Variants in EDARADD observed in about 807,000 individuals in gnomAD.
The protein encoded by EDARADD is EDAR associated via death domain, also known as ectodysplasin-A receptor-associated adapter protein.
In EDARADD, 20 loss-of-function variants were observed where a neutral mutation model predicts 25.6. That is an observed-to-expected ratio of 0.78 (90% confidence interval 0.55 to 1.14). The LOEUF is 1.14. Ranked by LOEUF, EDARADD falls within the 50% of genes most tolerant of loss-of-function variation. The probability of loss-of-function intolerance (pLI) is 0.00; values close to 1 mark genes in which losing one functional copy is unlikely to be tolerated. For missense variants in EDARADD, 225 were observed against 270.1 expected (o/e 0.83, Z 1.17); for synonymous variants, 86 against 94.4 (o/e 0.91, Z 0.52).
intron 1 of EDARADD, among the ~76,000 whole-genome samples, chr1:236,401,492 C>T (rs577578108): frequency 5.4e-4 from 82 of 152,300 alleles, no homozygotes; most frequent in African/African-American, 1.8e-3. Flanking sequence ...GTGTCTGTTT[C>T]GGGTTATGTG....
At chr1:236,480,096 C>CATGTATATATATAT (rs1553271637) in intron 5 of EDARADD, among the ~76,000 whole-genome samples, 1 of 77,834 alleles carries the variant, frequency 1.3e-5, no homozygotes, top group Non-Finnish European at 2.3e-5. Context: ...TTAAGTATGC[C>CATGTATATATATAT]ATATATATAT....
Position 236,363,006 on chromosome 1 carries a change from AAT to A in EDARADD, c.-6+12193_-6+12194del, listed in dbSNP as rs1184705463. The stretch of plus-strand genomic sequence containing the variant: ...TTTTAAGAAAAAAAAAAAAAAAAAA[AAT>A]ATATATATATATATATATATATATA... On this transcript the variant is annotated intron_variant, in intron 3 of 7. Coordinates refer to the EDARADD transcript ENST00000439430. Among the ~76,000 whole-genome samples the A allele has an allele frequency of 6.0e-3, 257 of 42,948 alleles. 9 individuals carry two copies. Among genetic ancestry groups the A allele is most frequent in the African/African-American group, 0.019 (171 of 9,036 alleles). 28.2% of individuals were successfully genotyped at this position (42,948 alleles called of 152,430 possible).
intron 3 of EDARADD, among the ~76,000 whole-genome samples, chr1:236,363,000 A>ATAT (rs1158321993): frequency 1.7e-5 from 1 of 57,294 alleles, no homozygotes; most frequent in Non-Finnish European, 3.2e-5. Flanking sequence ...AAAAAAAAAA[A>ATAT]AAAAAAATAT....
intron 4 of EDARADD, among the ~76,000 whole-genome samples, chr1:236,467,424 GCGCACACACACACACA>G (rs1488735447): frequency 8.3e-6 from 1 of 120,800 alleles, no homozygotes; most frequent in Non-Finnish European, 1.7e-5. Flanking sequence ...GCACACACAC[GCGCACACACACACACA>G]CACACACACA....
chr1:236,397,475 C>T (rs564581087), intron 1 of EDARADD, among the ~76,000 whole-genome samples: 1 of 152,184 alleles, frequency 6.6e-6, no homozygotes, highest in Admixed American at 6.5e-5. Flanking sequence ...CTGCCCAGCC[C>T]AGCCAAAATG....
Position 236,484,574 on chromosome 1 carries a change from C to T in EDARADD, c.*1925C>T. 1.2e-6 allele frequency: 1 copy of T among 864,138 alleles called. No homozygotes were observed. The highest frequency in any genetic ancestry group is 2.1e-5 in the Admixed American group (1 of 47,652). The allele number at this position is 864,138 out of a possible 1,614,324, so 53.5% of individuals were successfully genotyped here. A position where few individuals can be genotyped will look rare whatever the true frequency, so the allele number is the denominator to read the frequency against. ...CCCCGAGCAACATTTGTAGGGGCCG[C>T]TGCTAGTTAGCTACCCTTGCCCACC... On this transcript the variant is annotated 3_prime_UTR_variant, in exon 6 of 6. Coordinates refer to ENST00000334232, the MANE Select transcript of EDARADD (RefSeq NM_145861.4). The surrounding 1 kb of genome is among the most constrained non-coding windows in gnomAD (Gnocchi z 4.1).
chr1:236,390,996 G>T (rs1453002222), upstream of EDARADD, among the ~76,000 whole-genome samples: 1 of 150,502 alleles, frequency 6.6e-6, no homozygotes, highest in Non-Finnish European at 1.5e-5. Flanking sequence ...CGCCAGGCTG[G>T]AGTACAATGG....
intron 3 of EDARADD, among the ~76,000 whole-genome samples, chr1:236,387,375 G>A (rs1435506772): frequency 2.6e-5 from 1 of 38,088 alleles, no homozygotes; most frequent in South Asian, 1.8e-3. Context: ...AGGGAGGTGG[G>A]GGGGGTCAGC....
At chr1:236,409,996 C>G (rs982005098) in intron 2 of EDARADD, among the ~76,000 whole-genome samples, 4 of 152,278 alleles carry the variant, frequency 2.6e-5, no homozygotes, top group African/African-American at 4.8e-5. Flanking sequence ...ATCCTCTCCC[C>G]ACCCTCCCGT....
intron 3 of EDARADD, among the ~76,000 whole-genome samples, chr1:236,379,159 C>A (rs768177874): frequency 7.9e-5 from 12 of 152,112 alleles, no homozygotes; most frequent in Non-Finnish European, 1.3e-4. Context: ...CACCTGAGGT[C>A]AGGAGTTCGA....
At chr1:236,452,908 G>A (rs992247644) in intron 4 of EDARADD, among the ~76,000 whole-genome samples, 1 of 152,066 alleles carries the variant, frequency 6.6e-6, no homozygotes, top group Admixed American at 6.6e-5. Flanking sequence ...GCTACGTAAG[G>A]GTTTCTTTAT....
intron 1 of EDARADD, among the ~76,000 whole-genome samples, chr1:236,402,290 G>A (rs1667627114): frequency 1.3e-5 from 2 of 152,252 alleles, no homozygotes; most frequent in South Asian, 4.1e-4. Context: ...TATTTTATTG[G>A]CCAGGCGTGG....
At chr1:236,348,615 T>C (rs1301391796) in intron 1 of EDARADD, 1 of 152,264 alleles carries the variant, frequency 6.6e-6, no homozygotes, top group Non-Finnish European at 1.5e-5. Flanking sequence ...CATGAGTCTT[T>C]CTGTAGCCTC....
chr1:236,411,587 G>T lies in EDARADD; in HGVS notation c.120+2313G>T, dbSNP rs185743306. Among the ~76,000 whole-genome samples the T allele has an allele frequency of 3.4e-3, 364 of 108,072 alleles. 2 individuals are homozygous for T. Among genetic ancestry groups the T allele is most frequent in the African/African-American group, 0.014 (349 of 25,574 alleles). The allele number at this position is 108,072 out of a possible 152,430, so 70.9% of individuals were successfully genotyped here. A position where few individuals can be genotyped will look rare whatever the true frequency, so the allele number is the denominator to read the frequency against. On this transcript the variant is annotated intron_variant, in intron 2 of 5. Transcript: ENST00000334232. ...GATGGGGTTTCACTCTTGTCGCCCAGCTGGAGTGCAATATGCAATGGCGTG... is the reference window on the plus strand; with the variant it reads ...GATGGGGTTTCACTCTTGTCGCCCATCTGGAGTGCAATATGCAATGGCGTG...
intron 3 of EDARADD, among the ~76,000 whole-genome samples, chr1:236,356,611 T>C (rs1666978340): frequency 6.6e-6 from 1 of 152,040 alleles, no homozygotes; most frequent in Non-Finnish European, 1.5e-5. Flanking sequence ...GTGGGTAAAA[T>C]GGTAAAATTG....
chr1:236,362,574 G>A (rs1279411341), intron 3 of EDARADD, among the ~76,000 whole-genome samples: 3 of 152,068 alleles, frequency 2.0e-5, no homozygotes, highest in Admixed American at 6.6e-5. Context: ...TTCCTTTGAT[G>A]TTATTATTTT....
intron 2 of EDARADD, chr1:236,349,055 T>G (rs1666883185): frequency 6.6e-6 from 1 of 150,948 alleles, no homozygotes; most frequent in South Asian, 2.1e-4. Flanking sequence ...TTTTCTTTCC[T>G]TTTTTTTTAG....
intron 4 of EDARADD, among the ~76,000 whole-genome samples, chr1:236,439,603 C>T (rs138429392): frequency 1.2e-3 from 186 of 152,248 alleles, no homozygotes; most frequent in African/African-American, 4.2e-3. Flanking sequence ...TGATGATATA[C>T]GATGTAGAGC....
chr1:236,459,352 C>A (rs1052095280), intron 4 of EDARADD, among the ~76,000 whole-genome samples: 1 of 152,142 alleles, frequency 6.6e-6, no homozygotes, highest in East Asian at 1.9e-4. Flanking sequence ...AAAGGCAAAA[C>A]CCCTGTATCT....
Sources: allele counts gnomAD v4.1 joint callset (sites outside exome capture counted in the v4.1 genomes callset), GRCh38; gene constraint gnomAD v4.1.1; non-coding constraint Gnocchi (gnomAD v3.1); transcripts MANE v1.5; gene names NCBI Gene and HGNC (gene_info 2026-07-23, HGNC 2026-07-21).